The following MYH9 variants were observed in gnomAD, a reference collection of about 807,000 sequenced individuals.
MYH9 encodes the protein myosin heavy chain 9.
MYH9 carries 29 observed loss-of-function variants against 241.9 expected under a neutral mutation model. The ratio of observed to expected loss-of-function variants is 0.12; its 90% confidence interval spans 0.09 to 0.16. The LOEUF is 0.16. Among genes scored for constraint, MYH9 ranks in the 10% least tolerant of loss-of-function variants. The pLI is 1.00. For missense variants in MYH9, 1,803 were observed against 2,595.5 expected (o/e 0.69, Z 6.63); for synonymous variants, 1,047 against 1,062.6 (o/e 0.99, Z 0.29).
intron 2 of MYH9, among the ~76,000 whole-genome samples, chr22:36,348,436 G>T (rs142598960): frequency 0.019 from 2,794 of 150,756 alleles, 39 homozygotes; most frequent in Non-Finnish European, 0.026. Context: ...TTGAACCCAG[G>T]AGACAGAGGT....
Position 36,306,149 on chromosome 22 carries a change from A to C in MYH9, c.2038-98T>G. The stretch of plus-strand genomic sequence containing the variant: ...TATGAACCTGACAGGGCAAGAGCCT[A>C]AGGGAGGGGGTCGCTACAGCCCACA... On this transcript the variant is annotated intron_variant, in intron 16 of 40. Coordinates refer to ENST00000216181, the MANE Select transcript of MYH9 (RefSeq NM_002473.6). The surrounding 1 kb of genome is among the most constrained non-coding windows in gnomAD (Gnocchi z 4.1). 1 of 1,580,368 alleles carries C rather than the reference A, an allele frequency of 6.3e-7. No homozygotes were observed.
In MYH9 at chr22:36,292,242, G is replaced by A. The variant is rs375642528; in HGVS notation, c.4096-8C>T. 2.5e-6 allele frequency: 4 copies of A among 1,613,568 alleles called. No homozygotes were observed. The highest frequency in any genetic ancestry group is 1.6e-4 in the Middle Eastern group (1 of 6,084). ...CTTTTTCATGTCGGCCACCTGGGCAGGAGCAAGGAGTAAGCAGATGCCCGA... is the reference window on the plus strand; with the variant it reads ...CTTTTTCATGTCGGCCACCTGGGCAAGAGCAAGGAGTAAGCAGATGCCCGA... On this transcript the variant is annotated splice_region_variant and splice_polypyrimidine_tract_variant and intron_variant, in intron 30 of 40. Transcript: ENST00000216181.
chr22:36,383,383 G>A (rs1000729164), intron 1 of MYH9, among the ~76,000 whole-genome samples: 10 of 152,168 alleles, frequency 6.6e-5, no homozygotes, highest in African/African-American at 2.2e-4. Flanking sequence ...ACCACAGTCT[G>A]CACACCTTCT....
At chr22:36,356,065 C>T (rs980700431) in intron 1 of MYH9, among the ~76,000 whole-genome samples, 3 of 152,138 alleles carry the variant, frequency 2.0e-5, no homozygotes, top group East Asian at 1.9e-4. Context: ...GCCTTGGGCA[C>T]GCCAAGGCTT....
intron 1 of MYH9, among the ~76,000 whole-genome samples, chr22:36,377,290 A>G (rs969851272): frequency 1.3e-5 from 2 of 152,122 alleles, no homozygotes; most frequent in Non-Finnish European, 2.9e-5. Flanking sequence ...CCTCGTTCTT[A>G]TGTTTATCTG....
At chr22:36,366,610 G>C (rs538582673) in intron 1 of MYH9, among the ~76,000 whole-genome samples, 4 of 152,154 alleles carry the variant, frequency 2.6e-5, no homozygotes, top group Non-Finnish European at 5.9e-5. Flanking sequence ...CATCCCTGCC[G>C]ATGTGCAGGG....
rs143026255 is a variant in MYH9, at chr22:36,301,745, A to G, written c.2500-80T>C. 1.3e-4 allele frequency: 204 copies of G among 1,574,784 alleles called. No individual in the cohort carries two copies. The African/African-American group carries it at 2.6e-3, about 20-fold the overall frequency. On this transcript the variant is annotated intron_variant, in intron 20 of 40. Coordinates refer to ENST00000216181, the MANE Select transcript of MYH9 (RefSeq NM_002473.6). ...CCAACAGGTGTGAGGCCTCTCCCTC[A>G]CCTCTGGAAACATGAAAGTGAGGGG...
At chr22:36,311,202 T>A (rs2017058346) in intron 14 of MYH9, among the ~76,000 whole-genome samples, 1 of 152,248 alleles carries the variant, frequency 6.6e-6, no homozygotes, top group Non-Finnish European at 1.5e-5. Flanking sequence ...AACCAGCTTT[T>A]GTCTAAGCAT....
In MYH9 at chr22:36,325,392, G is replaced by A. The variant is rs528792779; in HGVS notation, c.612+1176C>T. Among the ~76,000 whole-genome samples the A allele has an allele frequency of 3.5e-4, 53 of 152,308 alleles. 1 individual carries two copies. The South Asian group carries it at 0.01, about 29-fold the overall frequency. ...ACACCCCTCCTTACTTACGAAGGCC[G>A]CACACGGCACGCCAGTAAGGTGGAG... is the stretch of plus-strand genomic sequence containing the variant. On this transcript the variant is annotated intron_variant, in intron 5 of 40. Transcript: ENST00000216181.
intron 1 of MYH9, among the ~76,000 whole-genome samples, chr22:36,381,311 TG>T (rs1220882290): frequency 1.3e-5 from 2 of 152,046 alleles, no homozygotes; most frequent in African/African-American, 4.8e-5. Context: ...AGTCAGGAGA[TG>T]GGGACCAACC....
In MYH9 at chr22:36,330,379, G is replaced by A. The variant is rs190722976; in HGVS notation, c.491-2891C>T. 2.0e-5 allele frequency among the ~76,000 whole-genome samples: 3 copies of A among 152,334 alleles called. No homozygotes were observed. The highest frequency in any genetic ancestry group is 1.9e-4 in the East Asian group (1 of 5,186). The stretch of plus-strand genomic sequence containing the variant: ...AATCGTACCATGGCCCCATGCAACC[G>A]AAAAGGTCTTTCCAATGCTCAGGAA... On this transcript the variant is annotated intron_variant, in intron 3 of 40. Transcript: ENST00000216181. The surrounding 1 kb of genome is among the most constrained non-coding windows in gnomAD (Gnocchi z 4.5).
At chr22:36,321,403 T>C (rs2017248914) in intron 7 of MYH9, among the ~76,000 whole-genome samples, 1 of 152,178 alleles carries the variant, frequency 6.6e-6, no homozygotes, top group South Asian at 2.1e-4. Context: ...TCGAGAGCCT[T>C]GTCTCATTCT....
chr22:36,311,916 G>T, intron 14 of MYH9, 133 bp downstream of exon 14: 1 of 1,021,660 alleles, frequency 9.8e-7, no homozygotes, highest in Non-Finnish European at 1.5e-6. Flanking sequence ...TACTGGGTGA[G>T]TCATTGTGCA....
chr22:36,326,525 A>G (rs1330652027), intron 5 of MYH9, 43 bp downstream of exon 5: 18 of 1,546,970 alleles, frequency 1.2e-5, no homozygotes, highest in Non-Finnish European at 1.6e-5. Flanking sequence ...CATCCCACCA[A>G]GGCCAAGCAG....
intron 1 of MYH9, among the ~76,000 whole-genome samples, chr22:36,355,877 G>A (rs908276759): frequency 1.3e-5 from 2 of 152,148 alleles, no homozygotes; most frequent in Non-Finnish European, 2.9e-5. Flanking sequence ...CATTGATAAT[G>A]CCACCTCAAA....
At chr22:36,381,812 G>A (rs555658034) in intron 1 of MYH9, among the ~76,000 whole-genome samples, 29 of 152,254 alleles carry the variant, frequency 1.9e-4, no homozygotes, top group African/African-American at 7.0e-4. Flanking sequence ...CCATGATTTA[G>A]TTGACCTTTT....
At chr22:36,379,324 G>A (rs1288420449) in intron 1 of MYH9, among the ~76,000 whole-genome samples, 4 of 152,154 alleles carry the variant, frequency 2.6e-5, no homozygotes, top group East Asian at 1.9e-4. Context: ...TGGCTAACAC[G>A]GTGAAACCCC....
chr22:36,301,513 T>C (rs1176374957), intron 21 of MYH9, 21 bp downstream of exon 21: 12 of 1,612,254 alleles, frequency 7.4e-6, no homozygotes, highest in Non-Finnish European at 1.0e-5. Flanking sequence ...CGACCTGGAC[T>C]GAGCCTGCAC....
At chr22:36,347,976 T>C (rs572845253) in intron 2 of MYH9, among the ~76,000 whole-genome samples, 5 of 150,962 alleles carry the variant, frequency 3.3e-5, no homozygotes, top group Non-Finnish European at 7.4e-5. Flanking sequence ...AAAAAGCTTA[T>C]TGGAAAGAAA....
Sources: allele counts gnomAD v4.1 joint callset (sites outside exome capture counted in the v4.1 genomes callset), GRCh38; gene constraint gnomAD v4.1.1; non-coding constraint Gnocchi (gnomAD v3.1); transcripts MANE v1.5; gene names NCBI Gene and HGNC (gene_info 2026-07-23, HGNC 2026-07-21).